Variants in CHN1 observed in about 807,000 individuals in gnomAD.
CHN1 encodes the protein chimerin 1.
CHN1 carries 37 observed loss-of-function variants against 59.5 expected under a neutral mutation model. That is an observed-to-expected ratio of 0.62 (90% CI 0.48 to 0.82). CHN1 has a LOEUF of 0.82. Ranked by LOEUF, CHN1 falls within the 40% of genes least tolerant of loss-of-function variation. CHN1 has a pLI of 0.00. For synonymous variants in CHN1, 206 were observed against 200.4 expected, an observed-to-expected ratio of 1.03 and a Z score of -0.24; for missense variants, 469 against 571.0, an observed-to-expected ratio of 0.82 and a Z score of 1.82.
At chr2:174,826,570 T>C (rs1685687203) in intron 7 of CHN1, among the ~76,000 whole-genome samples, 1 of 152,220 alleles carries the variant, frequency 6.6e-6, no homozygotes, top group Admixed American at 6.5e-5. Flanking sequence ...CGATCAGTTA[T>C]CTCATGGTAA....
chr2:174,801,073 G>A (rs566836551), intron 12 of CHN1, among the ~76,000 whole-genome samples: 2 of 152,292 alleles, frequency 1.3e-5, no homozygotes, highest in Non-Finnish European at 2.9e-5. Context: ...AAACTTGGTC[G>A]TGTAATTTGG....
intron 8 of CHN1, among the ~76,000 whole-genome samples, chr2:174,820,639 A>C (rs541810410): frequency 2.0e-5 from 3 of 152,322 alleles, no homozygotes; most frequent in Middle Eastern, 6.8e-3. Context: ...TAGCCCGTGT[A>C]ATGTAATGAT....
At chr2:174,817,762 C>T (rs942087472) in intron 8 of CHN1, among the ~76,000 whole-genome samples, 4 of 152,090 alleles carry the variant, frequency 2.6e-5, no homozygotes, top group African/African-American at 7.2e-5. Context: ...CTCAGTCTCC[C>T]GAGTTGCTGG....
At chr2:174,869,752 T>C (rs1018274840) in intron 6 of CHN1, among the ~76,000 whole-genome samples, 1 of 152,164 alleles carries the variant, frequency 6.6e-6, no homozygotes, top group Admixed American at 6.5e-5. Flanking sequence ...AAACAGAACT[T>C]TCTCAAGGGA....
chr2:174,876,681 C>A (rs532413662), intron 6 of CHN1, among the ~76,000 whole-genome samples: 2 of 152,274 alleles, frequency 1.3e-5, no homozygotes, highest in Admixed American at 6.5e-5. Context: ...TTGAGCTGGA[C>A]ACAAACTTTC....
intron 1 of CHN1, among the ~76,000 whole-genome samples, chr2:174,963,735 G>A (rs1353529037): frequency 6.6e-6 from 1 of 152,142 alleles, no homozygotes; most frequent in African/African-American, 2.4e-5. Context: ...CTGTAGTCAG[G>A]TCCAGCTCAC....
chr2:174,990,229 G>GTGTC, intron 1 of CHN1, among the ~76,000 whole-genome samples: 1 of 136,150 alleles, frequency 7.3e-6, no homozygotes, highest in Non-Finnish European at 1.6e-5. Context: ...TGTGTGTGGT[G>GTGTC]TGTCTGTGTG....
intron 6 of CHN1, among the ~76,000 whole-genome samples, chr2:174,867,620 T>C (rs924052067): frequency 3.3e-5 from 5 of 152,120 alleles, no homozygotes; most frequent in African/African-American, 1.2e-4. Flanking sequence ...GTCTTGTTCA[T>C]TACATAATGA....
intron 3 of CHN1, among the ~76,000 whole-genome samples, chr2:174,943,688 AT>A (rs1245384251): frequency 1.3e-5 from 2 of 152,096 alleles, no homozygotes; most frequent in African/African-American, 4.8e-5. Context: ...TTATCATATT[AT>A]TATGATAATA....
chr2:174,839,984 A>G (rs953330165), intron 7 of CHN1, among the ~76,000 whole-genome samples: 1 of 151,836 alleles, frequency 6.6e-6, no homozygotes, highest in African/African-American at 2.4e-5. Context: ...CAAAGTTTAA[A>G]CTACCCTCTG....
At chr2:174,931,388 A>G (rs1428044690) in intron 3 of CHN1, among the ~76,000 whole-genome samples, 1 of 152,234 alleles carries the variant, frequency 6.6e-6, no homozygotes, top group African/African-American at 2.4e-5. Context: ...TTTCAATTAG[A>G]GTGTTTTCCT....
At chr2:174,991,521 G>GT (rs1220728794) in intron 1 of CHN1, among the ~76,000 whole-genome samples, 1 of 152,120 alleles carries the variant, frequency 6.6e-6, no homozygotes, top group Non-Finnish European at 1.5e-5. Context: ...CAGTATAAAT[G>GT]TAACTGTAAT....
intron 2 of CHN1, among the ~76,000 whole-genome samples, chr2:174,947,504 A>C (rs1426344868): frequency 8.6e-6 from 1 of 116,790 alleles, no homozygotes; most frequent in African/African-American, 3.7e-5. Flanking sequence ...TTTTTTTTTG[A>C]GACAGTGTCT....
intron 6 of CHN1, 43 bp downstream of exon 6, chr2:174,877,796 AC>A (rs1422261368): frequency 6.4e-7 from 1 of 1,560,984 alleles, no homozygotes; most frequent in Non-Finnish European, 8.7e-7. Context: ...TCTTAAAAGA[AC>A]CCCAAACAGA....
chr2:175,001,162 C>T (rs1691877204), intron 1 of CHN1, among the ~76,000 whole-genome samples: 1 of 152,148 alleles, frequency 6.6e-6, no homozygotes, highest in Non-Finnish European at 1.5e-5. Context: ...TAAATGACAG[C>T]TGAAAAGAAT....
At chr2:174,956,383 A>G (rs1690204234) in intron 1 of CHN1, among the ~76,000 whole-genome samples, 1 of 152,338 alleles carries the variant, frequency 6.6e-6, no homozygotes, top group South Asian at 2.1e-4. Flanking sequence ...TGTAAGTCAG[A>G]AACTCAAATC....
In CHN1 at chr2:174,799,849, C is replaced by CT. The variant is rs1359512561; in HGVS notation, c.*266dup. ...TGTTGTTTCTTCTGTATGGGGTTTCCTTGCCAGATAGGGGGCTAATCATGC... is the reference window on the plus strand; with the variant it reads ...TGTTGTTTCTTCTGTATGGGGTTTCCTTTGCCAGATAGGGGGCTAATCATGC... On this transcript the variant is annotated 3_prime_UTR_variant, in exon 13 of 13. Transcript: ENST00000409900. 1 of 579,150 alleles carries CT rather than the reference C, an allele frequency of 1.7e-6. No individual in the cohort carries two copies. The highest frequency in any genetic ancestry group is 2.2e-5 in the Admixed American group (1 of 46,316). 35.9% of individuals were successfully genotyped at this position (579,150 alleles called of 1,614,324 possible).
At chr2:174,984,389 A>C (rs1401993707) in intron 1 of CHN1, among the ~76,000 whole-genome samples, 2 of 67,020 alleles carry the variant, frequency 3.0e-5, no homozygotes, top group Non-Finnish European at 5.5e-5. Context: ...TTTTTTTTTT[A>C]GATGGAGTCT....
At chr2:174,942,916 T>A (rs1166440996) in intron 3 of CHN1, among the ~76,000 whole-genome samples, 1 of 151,896 alleles carries the variant, frequency 6.6e-6, no homozygotes, top group South Asian at 2.1e-4. Flanking sequence ...CCAGACATGG[T>A]GGCACATGCC....
Sources: gnomAD v4.1 joint callset for allele counts (sites outside exome capture counted in the v4.1 genomes callset) on GRCh38, gnomAD v4.1.1 for gene constraint, MANE v1.5 for transcripts, NCBI Gene and HGNC (gene_info 2026-07-23, HGNC 2026-07-21) for gene names.